The following ERMAP variants were observed in gnomAD, a reference collection of about 807,000 sequenced individuals.
ERMAP encodes erythroid membrane-associated protein.
A neutral mutation model predicts 49.5 loss-of-function variants in ERMAP; 34 were observed. That is an observed-to-expected ratio of 0.69 (90% CI 0.52 to 0.91). ERMAP has a LOEUF of 0.91. ERMAP is among the 40% of genes least tolerant of loss of function. The probability of loss-of-function intolerance (pLI) is 0.00; values close to 1 mark genes in which losing one functional copy is unlikely to be tolerated. For synonymous variants in ERMAP, 214 were observed against 232.2 expected, an observed-to-expected ratio of 0.92 and a Z score of 0.71; for missense variants, 541 against 582.6, an observed-to-expected ratio of 0.93 and a Z score of 0.74.
intron 7 of ERMAP, chr1:42,838,087 A>G (rs189908247): frequency 6.6e-6 from 1 of 152,036 alleles, no homozygotes; most frequent in African/African-American, 2.4e-5. Context: ...GCCTCAGACC[A>G]CCCCCCTATA....
In ERMAP at chr1:42,844,042, C is replaced by G. The variant is rs1655144766; in HGVS notation, c.*810C>G. 1 of 398,578 alleles carries G rather than the reference C, an allele frequency of 2.5e-6. No individual in the cohort carries two copies. Among genetic ancestry groups the G allele is most frequent in the Non-Finnish European group, 4.4e-6 (1 of 226,050 alleles). The allele number at this position is 398,578 out of a possible 1,614,324, so 24.7% of individuals were successfully genotyped here. ...AGTCTGTTGAGTCTGTTGTGACTGTCTTATGAATCAATCTGTTGTGCCAAC... is the reference window on the plus strand; with the variant it reads ...AGTCTGTTGAGTCTGTTGTGACTGTGTTATGAATCAATCTGTTGTGCCAAC... On this transcript the variant is annotated 3_prime_UTR_variant, in exon 12 of 12. Coordinates refer to ENST00000372517, the MANE Select transcript of ERMAP (RefSeq NM_001017922.2). The surrounding 1 kb of genome is among the most constrained non-coding windows in gnomAD (Gnocchi z 4.0).
In ERMAP at chr1:42,843,085, A is replaced by G; in HGVS notation, c.1281A>G (p.Glu427=). 1 of 1,614,254 alleles carries G rather than the reference A, an allele frequency of 6.2e-7. No individual in the cohort carries two copies. Among genetic ancestry groups the G allele is most frequent in the Middle Eastern group, 1.6e-4 (1 of 6,062 alleles). Residue 427 remains glutamate, a synonymous_variant, in exon 12 of 12, where the codon GAA becomes GAG. Transcript: ENST00000372517. Reference sequence around the variant, plus strand: ...AGGAATCAATTGTCCCCAGGCCAGAAGGGAAAGGCCATGCTAATGGAGATG... The same window carrying G: ...AGGAATCAATTGTCCCCAGGCCAGAGGGGAAAGGCCATGCTAATGGAGATG... The part of the protein sequence containing the change: ...KSEESIVPRP[E]GKGHANGDVS...
chr1:42,820,023 G>T (rs1654365227), intron 1 of ERMAP, among the ~76,000 whole-genome samples: 1 of 152,092 alleles, frequency 6.6e-6, no homozygotes, highest in Non-Finnish European at 1.5e-5. Context: ...CTAAATTTTT[G>T]AGTCCTTGCT....
At chr1:42,839,931 G>C in intron 8 of ERMAP, 102 bp from the exon 9 acceptor site, 2 of 1,167,668 alleles carry the variant, frequency 1.7e-6, no homozygotes, top group Non-Finnish European at 2.5e-6. Flanking sequence ...TATAGCTATT[G>C]AGTATCTGTC....
intron 6 of ERMAP, among the ~76,000 whole-genome samples, chr1:42,836,266 G>C (rs1654891266): frequency 6.6e-6 from 1 of 152,210 alleles, no homozygotes; most frequent in Non-Finnish European, 1.5e-5. Context: ...AACCAACCAA[G>C]CTTGAGGGTT....
intron 4 of ERMAP, among the ~76,000 whole-genome samples, chr1:42,832,422 CA>C (rs1181554748): frequency 1.3e-5 from 2 of 151,686 alleles, no homozygotes; most frequent in African/African-American, 4.8e-5. Flanking sequence ...GGCTGGAGTG[CA>C]ATGATGCTAT....
At chr1:42,823,850 T>A (rs1654463522) in intron 1 of ERMAP, among the ~76,000 whole-genome samples, 1 of 152,224 alleles carries the variant, frequency 6.6e-6, no homozygotes, top group Admixed American at 6.5e-5. Flanking sequence ...GTGCTAGCTG[T>A]TTTACCCACT....
intron 4 of ERMAP, among the ~76,000 whole-genome samples, chr1:42,833,268 T>A (rs1654800141): frequency 6.6e-6 from 1 of 152,230 alleles, no homozygotes; most frequent in African/African-American, 2.4e-5. Flanking sequence ...TGTAGAAAAT[T>A]TGAAAAAAAT....
chr1:42,829,210 T>C (rs564796702), intron 2 of ERMAP, among the ~76,000 whole-genome samples: 3 of 152,292 alleles, frequency 2.0e-5, no homozygotes, highest in South Asian at 4.1e-4. Context: ...TAAAATATGA[T>C]TTAAAGAAAA....
chr1:42,817,253 G>A lies in ERMAP; in HGVS notation c.-122G>A, dbSNP rs1654249162. ...GAGTCGCAGACAACGCCTCCGGGAG[G>A]GTAATCCTCGCCTTCCCCCGACCAC... On this transcript the variant is annotated splice_region_variant and 5_prime_UTR_variant, in exon 1 of 12. Transcript: ENST00000372517. The A allele has an allele frequency of 5.6e-6, 7 of 1,251,236 alleles. No individual in the cohort carries two copies. The highest frequency in any genetic ancestry group is 6.2e-6 in the Non-Finnish European group (6 of 971,288). The allele number at this position is 1,251,236 out of a possible 1,614,324, so 77.5% of individuals were successfully genotyped here.
rs754888018 is a variant in ERMAP, at chr1:42,830,483, C to A, written c.35C>A (p.Ser12Tyr). 6.2e-7 allele frequency: 1 copy of A among 1,614,188 alleles called. No individual in the cohort carries two copies. Among genetic ancestry groups the A allele is most frequent in the South Asian group, 1.1e-5 (1 of 91,090 alleles). The change falls in exon 3 of 12, where the codon TCT (serine) becomes TAT (tyrosine). Residue 12 changes from serine to tyrosine, a missense_variant. Physicochemically the swap from Ser to Tyr is moderately radical, Grantham distance 144. Transcript: ENST00000372517. ...GCGAGTTCTGCTGGCTCCTGGCTCT[C>A]TGGCTGCCTCATCCCTCTCGTCTTC... The part of the protein sequence containing the change: ...EMASSAGSWL[S>Y]GCLIPLVFLR...
In ERMAP at chr1:42,836,657, C is replaced by A. The variant is rs1189377548; in HGVS notation, c.584-501C>A. Among the ~76,000 whole-genome samples, 3 of 152,086 alleles carry A rather than the reference C, an allele frequency of 2.0e-5. No individual in the cohort carries two copies. The East Asian group carries it at 5.8e-4, about 29-fold the overall frequency. ...GATCACCTGAGGTCGGGAGTTCAAG[C>A]CCAGCCTGATTAACATGGCGAAACC... is the stretch of plus-strand genomic sequence containing the variant. On this transcript the variant is annotated intron_variant, in intron 6 of 11. Coordinates refer to ENST00000372517, the MANE Select transcript of ERMAP (RefSeq NM_001017922.2).
chr1:42,832,815 A>G (rs1654786253), intron 4 of ERMAP, among the ~76,000 whole-genome samples: 1 of 152,234 alleles, frequency 6.6e-6, no homozygotes, highest in Non-Finnish European at 1.5e-5. Context: ...GAGAGTGGAG[A>G]GAGGACAAGT....
rs1354937310 is a variant in ERMAP, at chr1:42,830,810, G to T, written c.128G>T (p.Gly43Val). 1.3e-6 allele frequency: 2 copies of T among 1,577,740 alleles called. No individual in the cohort carries two copies. Among genetic ancestry groups the T allele is most frequent in the Admixed American group, 3.7e-5 (2 of 53,550 alleles). ...GGCAAGTTCCACGTGGCCCTACTAG[G>T]GGGCACAGCCGAGCTGCTCTGCCCT... ...DAGKFHVALL[G>V]GTAELLCPLS... The change falls in exon 4 of 12, where the codon GGG becomes GTG. Residue 43 changes from glycine (G) to valine (V), a missense_variant. Physicochemically the swap from Gly to Val is moderately radical, Grantham distance 109 (BLOSUM62 -3). Transcript: ENST00000372517.
chr1:42,827,024 C>G (rs191393248), intron 2 of ERMAP, among the ~76,000 whole-genome samples: 36 of 152,162 alleles, frequency 2.4e-4, no homozygotes, highest in African/African-American at 8.4e-4. Context: ...TATTTTAAAG[C>G]TTTTACATCT....
At chr1:42,826,750 G>A (rs1654564028) in intron 2 of ERMAP, among the ~76,000 whole-genome samples, 1 of 151,986 alleles carries the variant, frequency 6.6e-6, no homozygotes, top group South Asian at 2.1e-4. Flanking sequence ...CAGGTACTCA[G>A]GAGGCTGAGG....
intron 2 of ERMAP, chr1:42,830,145 C>CA (rs1654673215): frequency 2.6e-6 from 1 of 389,284 alleles, no homozygotes; most frequent in Non-Finnish European, 4.8e-6. Flanking sequence ...CATCCTCACT[C>CA]ACGGCATTTA....
chr1:42,837,503 A>G (rs1170139470), intron 7 of ERMAP, among the ~76,000 whole-genome samples: 1 of 152,114 alleles, frequency 6.6e-6, no homozygotes, highest in African/African-American at 2.4e-5. Flanking sequence ...ATGTGGTCAT[A>G]TGGGATATAT....
chr1:42,837,212 G>A, intron 7 of ERMAP, 22 bp downstream of exon 7: 3 of 1,610,302 alleles, frequency 1.9e-6, no homozygotes, highest in Non-Finnish European at 2.5e-6. Flanking sequence ...AAAGAGTAAG[G>A]GGTAGGGAAC....
Sources: gnomAD v4.1 joint callset for allele counts (sites outside exome capture counted in the v4.1 genomes callset) on GRCh38, gnomAD v4.1.1 for gene constraint, Gnocchi (gnomAD v3.1) non-coding constraint, MANE v1.5 for transcripts, NCBI Gene and HGNC (gene_info 2026-07-23, HGNC 2026-07-21) for gene names.